Variants in SHC4 observed in about 807,000 individuals in gnomAD.
SHC4 encodes SHC adaptor protein 4, also known as SHC-transforming protein 4.
A neutral mutation model predicts 69.4 loss-of-function variants in SHC4; 41 were observed. That is an observed-to-expected ratio of 0.59 (90% CI 0.46 to 0.77). The LOEUF is 0.77. Among genes scored for constraint, SHC4 ranks in the 30% least tolerant of loss-of-function variants. The probability of loss-of-function intolerance (pLI) is 0.00; values close to 1 mark genes in which losing one functional copy is unlikely to be tolerated. For missense variants in SHC4, 777 were observed against 783.8 expected (o/e 0.99, Z 0.10); for synonymous variants, 318 against 299.3 (o/e 1.06, Z -0.64).
intron 2 of SHC4, among the ~76,000 whole-genome samples, chr15:48,918,387 C>T (rs1900671482): frequency 6.6e-6 from 1 of 152,194 alleles, no homozygotes; most frequent in Non-Finnish European, 1.5e-5. Flanking sequence ...ACCACTTTCT[C>T]AACAACCTCT....
intron 4 of SHC4, chr15:48,878,457 A>C: frequency 1.2e-6 from 2 of 1,613,582 alleles, no homozygotes; most frequent in East Asian, 4.5e-5. Flanking sequence ...GCAGACTTCG[A>C]GAGCGAGGAC....
At position 48,963,008 on chromosome 15, in the gene SHC4, T is replaced by C. The variant is rs748038198; in HGVS notation, c.8A>G (p.Glu3Gly). ...TCCTGCCAGGCTGTCCTGGCCGCGT[T>C]CTCGCATAGCCTTGGCAGTGCTGAA... MRERGQDSLAGLV... is the reference protein window; with the variant it reads MRGRGQDSLAGLV... Residue 3 changes from glutamate (E) to glycine (G), a missense_variant, in exon 1 of 12, where the codon GAA becomes GGA. By Grantham distance (98) the Glu-to-Gly change is moderately conservative (BLOSUM62 -2). Coordinates refer to ENST00000332408, the MANE Select transcript of SHC4 (RefSeq NM_203349.4). 15 of 1,606,864 alleles carry C rather than the reference T, an allele frequency of 9.3e-6. No homozygotes were observed. The East Asian group carries it at 3.4e-4, about 36-fold the overall frequency.
intron 3 of SHC4, among the ~76,000 whole-genome samples, chr15:48,889,495 T>C (rs1467696173): frequency 6.6e-6 from 1 of 152,176 alleles, no homozygotes; most frequent in Non-Finnish European, 1.5e-5. Context: ...ATCTCTTGTC[T>C]CAGACTCAGT....
chr15:48,948,480 C>CT (rs911966616), intron 1 of SHC4, among the ~76,000 whole-genome samples: 2 of 152,234 alleles, frequency 1.3e-5, no homozygotes, highest in African/African-American at 4.8e-5. Context: ...TATGTCCACA[C>CT]TTTCGGCTGT....
At chr15:48,878,986 A>G (rs1899887012) in intron 4 of SHC4, 1 of 407,830 alleles carries the variant, frequency 2.5e-6, no homozygotes, top group Admixed American at 4.0e-5. Flanking sequence ...TAAAACACCT[A>G]TGGCTTTGAC....
chr15:48,850,190 G>A (rs1249515289), intron 9 of SHC4, among the ~76,000 whole-genome samples: 1 of 151,962 alleles, frequency 6.6e-6, no homozygotes, highest in African/African-American at 2.4e-5. Flanking sequence ...GCAACAGAGT[G>A]AGCCTTTGTC....
chr15:48,846,807 C>G (rs953931875), intron 9 of SHC4, among the ~76,000 whole-genome samples: 1 of 152,112 alleles, frequency 6.6e-6, no homozygotes, highest in Admixed American at 6.5e-5. Context: ...TTAACCCCAC[C>G]ACGTTTTGAA....
intron 8 of SHC4, among the ~76,000 whole-genome samples, chr15:48,851,780 A>G (rs565991749): frequency 8.5e-5 from 13 of 152,310 alleles, no homozygotes; most frequent in African/African-American, 3.1e-4. Context: ...CTTTGAGATG[A>G]ACAGTGTCTT....
intron 4 of SHC4, chr15:48,879,534 A>G (rs531814832): frequency 5.6e-4 from 94 of 167,202 alleles, no homozygotes; most frequent in African/African-American, 2.2e-3. Context: ...GTTATATACT[A>G]GAGAAATTTT....
intron 4 of SHC4, among the ~76,000 whole-genome samples, chr15:48,880,878 G>C (rs967140505): frequency 6.6e-6 from 1 of 151,962 alleles, no homozygotes; most frequent in Non-Finnish European, 1.5e-5. Flanking sequence ...CTATTTATTA[G>C]CTCAGTAACT....
intron 1 of SHC4, among the ~76,000 whole-genome samples, chr15:48,942,379 C>T (rs1901191317): frequency 6.6e-6 from 1 of 151,902 alleles, no homozygotes; most frequent in Non-Finnish European, 1.5e-5. Flanking sequence ...ATTTTTGAAT[C>T]AAACTCAAAT....
intron 1 of SHC4, chr15:48,947,783 C>T (rs905062171): frequency 3.3e-5 from 5 of 152,142 alleles, no homozygotes; most frequent in South Asian, 2.1e-4. Context: ...ATTACACCTG[C>T]TTTTGTAACA....
rs8035154 is a variant in SHC4, at chr15:48,935,381, T to A, written c.586-10432A>T. ...CTGTTCCAATGTCTATGCCTCCTGC[T>A]GGACTATGGGCTTCTCAAGGGCAGG... On this transcript the variant is annotated intron_variant, in intron 1 of 11. Coordinates refer to ENST00000332408, the MANE Select transcript of SHC4 (RefSeq NM_203349.4). 5.1e-3 allele frequency among the ~76,000 whole-genome samples: 782 copies of A among 152,314 alleles called. 5 individuals are homozygous for A. Among genetic ancestry groups the A allele is most frequent in the African/African-American group, 0.018 (760 of 41,572 alleles).
At chr15:48,878,174 A>G (rs199665111) in intron 4 of SHC4, 3 of 1,548,934 alleles carry the variant, frequency 1.9e-6, no homozygotes, top group East Asian at 4.5e-5. Context: ...AGCGGTTTGC[A>G]CAATGTCGGA....
At chr15:48,851,873 T>A (rs1453596623) in intron 8 of SHC4, among the ~76,000 whole-genome samples, 2 of 152,158 alleles carry the variant, frequency 1.3e-5, no homozygotes, top group East Asian at 3.8e-4. Context: ...CAGAATCATC[T>A]AGGCAAGTGA....
At chr15:48,839,440 T>C (rs1318247709) in intron 10 of SHC4, among the ~76,000 whole-genome samples, 1 of 152,122 alleles carries the variant, frequency 6.6e-6, no homozygotes, top group Non-Finnish European at 1.5e-5. Flanking sequence ...TGAAGAACAA[T>C]GGTAGGAACA....
At chr15:48,906,921 T>C (rs1595752492) in intron 2 of SHC4, among the ~76,000 whole-genome samples, 1 of 152,336 alleles carries the variant, frequency 6.6e-6, no homozygotes, top group Non-Finnish European at 1.5e-5. Context: ...CTCAATGACC[T>C]ACAAAATGTG....
At chr15:48,955,121 A>G (rs1376143573) in intron 1 of SHC4, among the ~76,000 whole-genome samples, 1 of 152,202 alleles carries the variant, frequency 6.6e-6, no homozygotes, top group Non-Finnish European at 1.5e-5. Context: ...TGCAGCCCCC[A>G]GTACTCTGTC....
chr15:48,925,277 C>A (rs565849255), intron 1 of SHC4, among the ~76,000 whole-genome samples: 1 of 152,290 alleles, frequency 6.6e-6, no homozygotes, highest in African/African-American at 2.4e-5. Context: ...AGTTATGGAA[C>A]CTGAACCTCA....
Sources: allele counts gnomAD v4.1 joint callset (sites outside exome capture counted in the v4.1 genomes callset), GRCh38; gene constraint gnomAD v4.1.1; transcripts MANE v1.5; gene names NCBI Gene and HGNC (gene_info 2026-07-23, HGNC 2026-07-21).